The following RAD23B variants were observed in gnomAD, a reference collection of about 807,000 sequenced individuals.
RAD23B encodes the protein lysine-specific demethylase RAD23B.
RAD23B carries 5 observed loss-of-function variants against 49.1 expected under a neutral mutation model. That is an observed-to-expected ratio of 0.10 (90% CI 0.05 to 0.21). RAD23B has a LOEUF of 0.21. RAD23B is among the 10% of genes least tolerant of loss of function. The pLI, the probability that RAD23B is intolerant of heterozygous loss-of-function variation, is 1.00. For synonymous variants in RAD23B, 184 were observed against 165.4 expected, an observed-to-expected ratio of 1.11 and a Z score of -0.86; for missense variants, 356 against 486.7, an observed-to-expected ratio of 0.73 and a Z score of 2.53.
In RAD23B at chr9:107,324,332, T is replaced by G. The variant is rs575778007; in HGVS notation, c.945+315T>G. The stretch of plus-strand genomic sequence containing the variant: ...CTGTTTAACAGAGAAACTGCCTAAC[T>G]TTAAATCACTTTTCACAAGCTTATT... On this transcript the variant is annotated intron_variant, in intron 8 of 9. Transcript: ENST00000358015. Among the ~76,000 whole-genome samples the G allele has an allele frequency of 4.6e-5, 7 of 152,308 alleles. No homozygotes were observed. In the East Asian group the frequency reaches 1.2e-3, roughly 25 times the overall value.
rs11573687 is a variant in RAD23B, at chr9:107,319,161, C to T, written c.681+282C>T. ...TTTTTTTTTTTTTGAGACGGAGTCT[C>T]GCTCTGTCGCCCAGACTGGAGTGCA... On this transcript the variant is annotated intron_variant, in intron 6 of 9. Coordinates refer to ENST00000358015, the MANE Select transcript of RAD23B (RefSeq NM_002874.5). Among the ~76,000 whole-genome samples, 6 of 120,482 alleles carry T rather than the reference C, an allele frequency of 5.0e-5. 1 individual carries two copies. The highest frequency in any genetic ancestry group is 2.0e-4 in the Admixed American group (2 of 9,888). 79.0% of individuals were successfully genotyped at this position (120,482 alleles called of 152,430 possible).
chr9:107,297,151 CT>C (rs1454521430), intron 1 of RAD23B, among the ~76,000 whole-genome samples: 1 of 151,292 alleles, frequency 6.6e-6, no homozygotes, highest in Non-Finnish European at 1.5e-5. Context: ...TGCGCCTGGC[CT>C]CTTAATTTCT....
At chr9:107,319,128 C>CTTTTTTTTTTTTTTTTT (rs56891354) in intron 6 of RAD23B, among the ~76,000 whole-genome samples, 2 of 97,790 alleles carry the variant, frequency 2.0e-5, no homozygotes, top group African/African-American at 8.0e-5. Flanking sequence ...TTTCTTTTTT[C>CTTTTTTTTTTTTTTTTT]TTTTTTTTTT....
In RAD23B at chr9:107,329,653, T is replaced by C. The variant is rs144892978; in HGVS notation, c.1227T>C (p.Asp409=). The C allele has an allele frequency of 6.3e-4, 1,016 of 1,602,242 alleles. 1 individual carries two copies. The highest frequency in any genetic ancestry group is 8.3e-4 in the Non-Finnish European group (975 of 1,169,590). Reference sequence around the variant, plus strand: ...TTCTACAGCAGAACTTTGATGAAGATTGAAAGGGACTTTTTTATATCTCAC... The same window carrying C: ...TTCTACAGCAGAACTTTGATGAAGACTGAAAGGGACTTTTTTATATCTCAC... The part of the protein sequence containing the change: ...NFLLQQNFDE[D] The change falls in exon 10 of 10, where the codon GAT becomes GAC. Residue 409 remains aspartate (D), a synonymous_variant. Coordinates refer to ENST00000358015, the MANE Select transcript of RAD23B (RefSeq NM_002874.5).
chr9:107,286,276 G>A (rs1587844090), intron 1 of RAD23B, among the ~76,000 whole-genome samples: 1 of 152,236 alleles, frequency 6.6e-6, no homozygotes, highest in Non-Finnish European at 1.5e-5. Context: ...TGTTTAGTGA[G>A]CTTTGCTGGC....
intron 9 of RAD23B, among the ~76,000 whole-genome samples, chr9:107,326,480 CAAAAA>C (rs1223341449): frequency 1.8e-5 from 1 of 56,496 alleles, no homozygotes; most frequent in African/African-American, 5.0e-5. Context: ...GACTCTGTCT[CAAAAA>C]AAAAAAAAAA....
intron 2 of RAD23B, among the ~76,000 whole-genome samples, chr9:107,301,596 T>C (rs962325833): frequency 6.6e-5 from 10 of 152,138 alleles, no homozygotes; most frequent in Non-Finnish European, 1.5e-4. Context: ...TGGAGTGCAG[T>C]GGTGTGATTA....
intron 6 of RAD23B, among the ~76,000 whole-genome samples, chr9:107,320,882 T>G (rs1827096507): frequency 6.6e-6 from 1 of 152,210 alleles, no homozygotes; most frequent in Admixed American, 6.5e-5. Context: ...GCAGCCATTT[T>G]CCTGCTGTGT....
At chr9:107,299,468 T>C (rs977585558) in intron 1 of RAD23B, among the ~76,000 whole-genome samples, 15 of 152,216 alleles carry the variant, frequency 9.9e-5, no homozygotes, top group African/African-American at 3.6e-4. Context: ...ATGAAGAGAC[T>C]ATAAAGGTCA....
In RAD23B at chr9:107,331,821, C is replaced by CTTGGACAACAAATCTGGAT; in HGVS notation, c.*2165_*2166insTTGGACAACAAATCTGGAT. ...AGCTCAGGCCAAGTTTTGATCGTTC[C>CTTGGACAACAAATCTGGAT]ATACAGTACCTTGTTTATCTGCTTC... On this transcript the variant is annotated 3_prime_UTR_variant, in exon 10 of 10. Coordinates refer to ENST00000358015, the MANE Select transcript of RAD23B (RefSeq NM_002874.5). 1.4e-6 allele frequency: 1 copy of CTTGGACAACAAATCTGGAT among 695,120 alleles called. No individual in the cohort carries two copies. Among genetic ancestry groups the CTTGGACAACAAATCTGGAT allele is most frequent in the Admixed American group, 2.2e-5 (1 of 44,618 alleles). The allele number at this position is 695,120 out of a possible 1,614,324, so 43.1% of individuals were successfully genotyped here. A position where few individuals can be genotyped will look rare whatever the true frequency, so the allele number is the denominator to read the frequency against.
At chr9:107,310,051 A>T (rs867562520) in intron 4 of RAD23B, among the ~76,000 whole-genome samples, 1 of 152,176 alleles carries the variant, frequency 6.6e-6, no homozygotes, top group African/African-American at 2.4e-5. Flanking sequence ...GGAATGGCTC[A>T]TATTAGAAAG....
At chr9:107,319,419 C>T (rs891124566) in intron 6 of RAD23B, among the ~76,000 whole-genome samples, 4 of 152,030 alleles carry the variant, frequency 2.6e-5, no homozygotes, top group Non-Finnish European at 4.4e-5. Flanking sequence ...TGTGAGCCAC[C>T]GTGCCTGGCC....
chr9:107,321,897 T>G, intron 6 of RAD23B, 86 bp from the exon 7 acceptor site: 1 of 1,295,304 alleles, frequency 7.7e-7, no homozygotes, highest in Non-Finnish European at 1.0e-6. Flanking sequence ...TCAAACAAGA[T>G]GTTAAATAGA....
At chr9:107,286,944 A>G (rs1833282349) in intron 1 of RAD23B, among the ~76,000 whole-genome samples, 1 of 152,078 alleles carries the variant, frequency 6.6e-6, no homozygotes, top group Admixed American at 6.5e-5. Context: ...ACGTGGTGGC[A>G]TGCACCTGTA....
At chr9:107,286,845 G>C (rs569452531) in intron 1 of RAD23B, among the ~76,000 whole-genome samples, 1 of 152,080 alleles carries the variant, frequency 6.6e-6, no homozygotes, top group Non-Finnish European at 1.5e-5. Flanking sequence ...GGCCGAGGTG[G>C]GCGGATCACA....
intron 9 of RAD23B, among the ~76,000 whole-genome samples, chr9:107,326,563 T>G (rs901387467): frequency 3.3e-5 from 5 of 150,258 alleles, no homozygotes; most frequent in Admixed American, 6.6e-5. Flanking sequence ...GGGCTTTTTT[T>G]GGGGGGAAGT....
In RAD23B at chr9:107,328,300, G is replaced by T. The variant is rs190084015; in HGVS notation, c.1117-1243G>T. The stretch of plus-strand genomic sequence containing the variant: ...AGTCTTTAACCTTTTTGGCACCAGG[G>T]ACCAGTTACGTAGAAGACCTTTTTT... On this transcript the variant is annotated intron_variant, in intron 9 of 9. Transcript: ENST00000358015. Among the ~76,000 whole-genome samples the T allele has an allele frequency of 8.3e-4, 126 of 152,230 alleles. No homozygotes were observed. The Middle Eastern group carries it at 0.017, about 21-fold the overall frequency.
At chr9:107,295,085 G>T (rs1256114828) in intron 1 of RAD23B, among the ~76,000 whole-genome samples, 4 of 151,172 alleles carry the variant, frequency 2.6e-5, no homozygotes, top group African/African-American at 9.7e-5. Flanking sequence ...CCAGCGGTGG[G>T]TGGGGGGGGA....
intron 1 of RAD23B, among the ~76,000 whole-genome samples, chr9:107,295,152 C>T (rs1826477337): frequency 6.6e-6 from 1 of 152,004 alleles, no homozygotes; most frequent in Non-Finnish European, 1.5e-5. Context: ...TGTTTATCAG[C>T]ACAGTATTGC....
Sources: gnomAD v4.1 joint callset for allele counts (sites outside exome capture counted in the v4.1 genomes callset) on GRCh38, gnomAD v4.1.1 for gene constraint, MANE v1.5 for transcripts, NCBI Gene and HGNC (gene_info 2026-07-23, HGNC 2026-07-21) for gene names.